The following ZC3H12B variants were observed in gnomAD, a reference collection of about 807,000 sequenced individuals.
ZC3H12B encodes the protein probable ribonuclease ZC3H12B.
A neutral mutation model predicts 43.9 loss-of-function variants in ZC3H12B; 7 were observed. That is an observed-to-expected ratio of 0.16 (90% CI 0.09 to 0.30). The LOEUF is 0.30. Ranked by LOEUF, ZC3H12B falls within the 10% of genes least tolerant of loss-of-function variation. The pLI, the probability that ZC3H12B is intolerant of heterozygous loss-of-function variation, is 1.00. For synonymous variants in ZC3H12B, 222 were observed against 241.7 expected (o/e 0.92, Z 0.76); for missense variants, 475 against 670.2 (o/e 0.71, Z 3.22).
chrX:65,245,619 A>C, the ZC3H12B span, among the ~76,000 whole-genome samples: 50 of 111,960 alleles, frequency 4.5e-4, no homozygotes, highest in Admixed American at 1.5e-3. Flanking sequence ...GATGCGGAAA[A>C]GGCTTTTGAT....
the ZC3H12B span, among the ~76,000 whole-genome samples, chrX:65,299,996 C>T: frequency 8.9e-6 from 1 of 112,316 alleles, no homozygotes; most frequent in South Asian, 3.7e-4. Flanking sequence ...AGGATGAGCC[C>T]TGTGGGCACT....
At chrX:65,050,543 A>G in the ZC3H12B span, among the ~76,000 whole-genome samples, 26 of 111,213 alleles carry the variant, frequency 2.3e-4, no homozygotes, top group African/African-American at 7.8e-4. Context: ...GACTCTTCAT[A>G]TATGATTTTG....
intron 3 of ZC3H12B, among the ~76,000 whole-genome samples, chrX:65,422,367 G>A: frequency 9.0e-6 from 1 of 111,724 alleles, no homozygotes; most frequent in Non-Finnish European, 1.9e-5. Context: ...TCGATTAGTT[G>A]TTAGGTGAAA....
chrX:65,478,591 C>T (rs1262893742), intron 3 of ZC3H12B, among the ~76,000 whole-genome samples: 1 of 112,235 alleles, frequency 8.9e-6, no homozygotes, highest in East Asian at 2.8e-4. Context: ...CTTGGAATAG[C>T]TTATTTGTCA....
the ZC3H12B span, among the ~76,000 whole-genome samples, chrX:65,142,774 G>T: frequency 8.9e-6 from 1 of 112,124 alleles, no homozygotes; most frequent in Admixed American, 9.4e-5. Context: ...TCCCACTTGG[G>T]TGTTTGTTCA....
At chrX:65,040,897 A>C in the ZC3H12B span, among the ~76,000 whole-genome samples, 125 of 110,411 alleles carry the variant, frequency 1.1e-3, 1 homozygote, top group Middle Eastern at 4.7e-3. Flanking sequence ...CGATCCTCCC[A>C]CCTCAGCCTC....
chrX:65,331,000 A>G, the ZC3H12B span: 1 of 334,715 alleles, frequency 3.0e-6, no homozygotes, highest in Non-Finnish European at 5.9e-6. Flanking sequence ...TTGTTCCTGA[A>G]TGACTTTTTG....
intron 2 of ZC3H12B, among the ~76,000 whole-genome samples, chrX:65,392,620 G>T (rs749920335): frequency 9.4e-6 from 1 of 106,862 alleles, no homozygotes; most frequent in African/African-American, 3.4e-5. Flanking sequence ...CAGCCGCCCC[G>T]TCTGGGAGGT....
At chrX:65,119,336 A>G in the ZC3H12B span, among the ~76,000 whole-genome samples, 6 of 111,228 alleles carry the variant, frequency 5.4e-5, no homozygotes, top group Non-Finnish European at 9.4e-5. Flanking sequence ...TTTAATGATC[A>G]CCATTCTAAC....
chrX:65,302,151 T>C, the ZC3H12B span, among the ~76,000 whole-genome samples: 85 of 111,032 alleles, frequency 7.7e-4, no homozygotes, highest in Non-Finnish European at 1.2e-3. Flanking sequence ...TACTCTTCAA[T>C]GTTATACTGG....
chrX:65,121,225 G>T, the ZC3H12B span, among the ~76,000 whole-genome samples: 1 of 111,563 alleles, frequency 9.0e-6, no homozygotes, highest in East Asian at 2.8e-4. Context: ...AGAAGGAATG[G>T]TACCAGCTCC....
the ZC3H12B span, among the ~76,000 whole-genome samples, chrX:65,148,810 A>T: frequency 1.8e-5 from 2 of 111,491 alleles, no homozygotes; most frequent in Admixed American, 9.5e-5. Flanking sequence ...TCTTGTGAAG[A>T]TGTTTTCTTG....
chrX:65,471,054 A>G (rs2067905407), intron 3 of ZC3H12B, among the ~76,000 whole-genome samples: 1 of 111,686 alleles, frequency 9.0e-6, no homozygotes, highest in African/African-American at 3.3e-5. Flanking sequence ...CATTTGCTCT[A>G]GAGTGCAATT....
the ZC3H12B span, among the ~76,000 whole-genome samples, chrX:65,105,723 A>T: frequency 8.9e-6 from 1 of 111,777 alleles, no homozygotes; most frequent in Non-Finnish European, 1.9e-5. Context: ...CTGAGGAGGT[A>T]GTAGGGGTAG....
chrX:65,155,988 C>T, the ZC3H12B span, among the ~76,000 whole-genome samples: 606 of 110,513 alleles, frequency 5.5e-3, 3 homozygotes, highest in Non-Finnish European at 8.2e-3. Flanking sequence ...GATGTTTTTT[C>T]CACTACTAGA....
At chrX:65,385,002 G>C (rs1178442797) in intron 2 of ZC3H12B, among the ~76,000 whole-genome samples, 3 of 111,615 alleles carry the variant, frequency 2.7e-5, no homozygotes, top group Non-Finnish European at 5.7e-5. Context: ...TGTTCCTTTT[G>C]TCTACATCTC....
At chrX:65,118,539 T>C in the ZC3H12B span, among the ~76,000 whole-genome samples, 1 of 111,624 alleles carries the variant, frequency 9.0e-6, no homozygotes, top group Non-Finnish European at 1.9e-5. Context: ...CTTTTCCTAA[T>C]TGAATACCCT....
chrX:65,120,032 C>T, the ZC3H12B span, among the ~76,000 whole-genome samples: 3 of 111,909 alleles, frequency 2.7e-5, no homozygotes, highest in South Asian at 1.1e-3. Context: ...CAGTACCATG[C>T]TGTTTTGGTT....
chrX:65,266,247 A>T, the ZC3H12B span, among the ~76,000 whole-genome samples: 2 of 112,180 alleles, frequency 1.8e-5, no homozygotes, highest in African/African-American at 3.2e-5. Flanking sequence ...TGGAACTAAA[A>T]TTCCAATTAG....
Sources: allele counts gnomAD v4.1 joint callset (sites outside exome capture counted in the v4.1 genomes callset), GRCh38; gene constraint gnomAD v4.1.1; transcripts MANE v1.5; gene names NCBI Gene and HGNC (gene_info 2026-07-23, HGNC 2026-07-21).